The following PUDP variants were observed in gnomAD, a reference collection of about 807,000 sequenced individuals.
PUDP encodes pseudouridine-5'-phosphatase.
A neutral mutation model predicts 9.4 loss-of-function variants in PUDP; 8 were observed. That is an observed-to-expected ratio of 0.85 (90% CI 0.50 to 1.53). The LOEUF (loss-of-function observed/expected upper bound fraction) is 1.53, where lower values mean the gene tolerates loss of function less well. Among genes scored for constraint, PUDP ranks in the 40% most tolerant of loss-of-function variants. The pLI, the probability that PUDP is intolerant of heterozygous loss-of-function variation, is 0.00. For synonymous variants in PUDP, 99 were observed against 80.7 expected (o/e 1.23, Z -1.22); for missense variants, 188 against 189.7 (o/e 0.99, Z 0.05).
intron 1 of PUDP, among the ~76,000 whole-genome samples, chrX:6,998,252 C>T (rs1400130843): frequency 1.8e-5 from 2 of 110,725 alleles, no homozygotes; most frequent in Admixed American, 9.7e-5. Flanking sequence ...GCTGGGATGA[C>T]GAGATAATAA....
chrX:6,744,695 G>A (rs1924979185), intron 3 of PUDP, among the ~76,000 whole-genome samples: 1 of 111,237 alleles, frequency 9.0e-6, no homozygotes. Context: ...CCAGGGGGGC[G>A]AAAGACATCA....
chrX:6,845,253 T>C (rs1926728354), intron 3 of PUDP, among the ~76,000 whole-genome samples: 1 of 111,786 alleles, frequency 8.9e-6, no homozygotes, highest in African/African-American at 3.3e-5. Flanking sequence ...GGAAAGTTAC[T>C]TGGAGTCCTT....
intron 3 of PUDP, among the ~76,000 whole-genome samples, chrX:6,801,002 C>G (rs1925923084): frequency 9.0e-6 from 1 of 111,677 alleles, no homozygotes; most frequent in Non-Finnish European, 1.9e-5. Flanking sequence ...AGCTTTGAGT[C>G]TGATGGATGG....
intron 3 of PUDP, among the ~76,000 whole-genome samples, chrX:6,763,768 T>C (rs1187655121): frequency 8.9e-6 from 1 of 112,168 alleles, no homozygotes; most frequent in Non-Finnish European, 1.9e-5. Context: ...TAATTAATTA[T>C]GGATCAAAGG....
chrX:6,870,178 T>C (rs1927153211), intron 3 of PUDP, among the ~76,000 whole-genome samples: 1 of 112,125 alleles, frequency 8.9e-6, no homozygotes, highest in South Asian at 3.7e-4. Context: ...CAAGTTATTA[T>C]TTAATGGATA....
intron 3 of PUDP, among the ~76,000 whole-genome samples, chrX:6,859,309 T>G (rs1195849160): frequency 8.9e-6 from 1 of 111,936 alleles, no homozygotes; most frequent in African/African-American, 3.2e-5. Flanking sequence ...AAACCACCTT[T>G]GCAAAATTAT....
chrX:6,768,052 A>G (rs754044382), intron 3 of PUDP, among the ~76,000 whole-genome samples: 1 of 111,743 alleles, frequency 8.9e-6, no homozygotes, highest in Non-Finnish European at 1.9e-5. Flanking sequence ...ACAGACTTCA[A>G]TTGGACAAAG....
At position 7,142,641 on chromosome X, in the gene PUDP, A is replaced by ATTT. The variant is rs57612819; in HGVS notation, c.61+5409_61+5411dup. On this transcript the variant is annotated intron_variant, in intron 1 of 3. Coordinates refer to ENST00000381077, the MANE Select transcript of PUDP (RefSeq NM_012080.5). ...AGCAGCAGAGTTTGAGAGGACTCCA[A>ATTT]TTTTTTTTTTTTTTTTTTTTTGAGA... Among the ~76,000 whole-genome samples the ATTT allele has an allele frequency of 3.1e-4, 25 of 80,915 alleles. 1 individual carries two copies. Among genetic ancestry groups the ATTT allele is most frequent in the African/African-American group, 3.9e-4 (8 of 20,623 alleles). The allele number at this position is 80,915 out of a possible 115,157, so 70.3% of individuals were successfully genotyped here.
At chrX:6,937,135 A>C (rs1602680903) in intron 3 of PUDP, among the ~76,000 whole-genome samples, 1 of 95,936 alleles carries the variant, frequency 1.0e-5, no homozygotes, top group African/African-American at 3.7e-5. Flanking sequence ...AAACTACTTT[A>C]AAGTTCATAT....
chrX:6,803,910 T>C (rs113414803), intron 3 of PUDP, among the ~76,000 whole-genome samples: 1,408 of 111,388 alleles, frequency 0.013, 7 homozygotes, highest in Non-Finnish European at 0.022. Flanking sequence ...ATTTTAATTA[T>C]AGTTGCAAGA....
chrX:6,729,507 T>C (rs1311598655), intron 3 of PUDP, among the ~76,000 whole-genome samples: 1 of 112,014 alleles, frequency 8.9e-6, no homozygotes, highest in African/African-American at 3.2e-5. Context: ...ATTGACAAAA[T>C]AAACTTTCTA....
intron 1 of PUDP, among the ~76,000 whole-genome samples, chrX:7,133,578 G>C (rs1028560298): frequency 8.9e-6 from 1 of 112,094 alleles, no homozygotes; most frequent in African/African-American, 3.2e-5. Flanking sequence ...ATTTCTGTGA[G>C]TGGTAGGGCC....
intron 1 of PUDP, among the ~76,000 whole-genome samples, chrX:7,041,464 G>C (rs773876000): frequency 3.6e-5 from 4 of 111,662 alleles, no homozygotes; most frequent in Non-Finnish European, 5.6e-5. Context: ...CTGTTCCCTC[G>C]AAGGCATCAT....
intron 1 of PUDP, among the ~76,000 whole-genome samples, chrX:7,131,012 G>C (rs1179648824): frequency 8.9e-6 from 1 of 112,340 alleles, no homozygotes; most frequent in Non-Finnish European, 1.9e-5. Flanking sequence ...CAAGAGTTTT[G>C]TTTGTCTTAA....
At chrX:6,810,103 T>C (rs770217190) in intron 3 of PUDP, among the ~76,000 whole-genome samples, 1 of 107,054 alleles carries the variant, frequency 9.3e-6, no homozygotes, top group Non-Finnish European at 1.9e-5. Context: ...AAAAAAAATA[T>C]GAGGAGATCA....
chrX:7,090,464 T>C (rs1485085222), intron 2 of PUDP, among the ~76,000 whole-genome samples: 1 of 111,516 alleles, frequency 9.0e-6, no homozygotes, highest in Non-Finnish European at 1.9e-5. Flanking sequence ...TATAAATCCC[T>C]AATAGACAAA....
intron 1 of PUDP, among the ~76,000 whole-genome samples, chrX:6,719,034 C>T (rs1470488563): frequency 2.7e-5 from 3 of 111,038 alleles, no homozygotes; most frequent in Non-Finnish European, 5.7e-5. Flanking sequence ...CTGACTGACA[C>T]CTGGATTGGA....
At chrX:6,888,495 A>G (rs1031925964) in intron 3 of PUDP, among the ~76,000 whole-genome samples, 6 of 109,047 alleles carry the variant, frequency 5.5e-5, no homozygotes, top group Admixed American at 9.9e-5. Flanking sequence ...AAAAAATACA[A>G]AAAAATTAGC....
At chrX:6,940,729 G>A (rs974624681) in intron 3 of PUDP, among the ~76,000 whole-genome samples, 2 of 111,280 alleles carry the variant, frequency 1.8e-5, no homozygotes, top group African/African-American at 6.5e-5. Flanking sequence ...GCCCTCCTAA[G>A]GACCATTGTT....
Sources: allele counts gnomAD v4.1 joint callset (sites outside exome capture counted in the v4.1 genomes callset), GRCh38; gene constraint gnomAD v4.1.1; transcripts MANE v1.5; gene names NCBI Gene and HGNC (gene_info 2026-07-23, HGNC 2026-07-21).